The following ODAD2 variants were observed in gnomAD, a reference collection of about 807,000 sequenced individuals.
ODAD2 encodes the protein outer dynein arm-docking complex subunit 2.
Under a neutral mutation model 106.8 loss-of-function variants are expected in ODAD2, and 89 were observed. The observed-to-expected ratio is 0.83, with a 90% CI of 0.70 to 0.99. The LOEUF (loss-of-function observed/expected upper bound fraction) is 0.99, where lower values mean the gene tolerates loss of function less well. ODAD2 is among the 50% of genes least tolerant of loss of function. ODAD2 has a pLI of 0.00. For missense variants in ODAD2, 1,168 were observed against 1,238.5 expected, an observed-to-expected ratio of 0.94 and a Z score of 0.85; for synonymous variants, 404 against 436.2, an observed-to-expected ratio of 0.93 and a Z score of 0.92.
chr10:27,892,842 T>C (rs181432550), intron 17 of ODAD2, among the ~76,000 whole-genome samples: 20 of 152,318 alleles, frequency 1.3e-4, no homozygotes, highest in African/African-American at 4.6e-4. Context: ...GCTTTAAATG[T>C]TTCCAACAAG....
chr10:27,829,542 G>C (rs1164075001), intron 19 of ODAD2, among the ~76,000 whole-genome samples: 2 of 152,072 alleles, frequency 1.3e-5, no homozygotes, highest in Admixed American at 1.3e-4. Flanking sequence ...GTCAAATGTG[G>C]TTGTTATTTC....
chr10:27,987,283 C>A (rs1009784770), intron 3 of ODAD2, 103 bp downstream of exon 3: 1 of 1,044,148 alleles, frequency 9.6e-7, no homozygotes, highest in Non-Finnish European at 1.4e-6. Flanking sequence ...ATTGTAGAAT[C>A]TTTTTCAAGA....
intron 9 of ODAD2, among the ~76,000 whole-genome samples, chr10:27,965,015 G>C (rs2132897771): frequency 6.6e-6 from 1 of 152,332 alleles, no homozygotes; most frequent in African/African-American, 2.4e-5. Context: ...CAGCTTGATG[G>C]ACAGGAGGCA....
intron 16 of ODAD2, among the ~76,000 whole-genome samples, chr10:27,929,329 T>C (rs189540650): frequency 1.3e-5 from 2 of 152,164 alleles, no homozygotes; most frequent in Non-Finnish European, 2.9e-5. Flanking sequence ...CCATGTCTAT[T>C]GACTTTTTAT....
At position 27,939,924 on chromosome 10, in the gene ODAD2, C is replaced by T; in HGVS notation, c.2070G>A (p.Gln690=). The T allele has an allele frequency of 6.2e-7, 1 of 1,610,176 alleles. No individual in the cohort carries two copies. Among genetic ancestry groups the T allele is most frequent in the South Asian group, 1.1e-5 (1 of 90,498 alleles). Residue 690 remains glutamine, a synonymous_variant, in exon 14 of 20, where the codon CAG becomes CAA. Transcript: ENST00000305242. ...KNLNSENEQL[Q]EHCAMAIYQC... is the part of the protein sequence containing the mutation. Reference sequence around the variant, plus strand: ...GGTAAATGGCCATGGCGCAGTGCTCCTGCAGCTGCTCATTCTCACTATTTA... The same window carrying T: ...GGTAAATGGCCATGGCGCAGTGCTCTTGCAGCTGCTCATTCTCACTATTTA...
In ODAD2 at chr10:27,939,983, C is replaced by T. The variant is rs1060503678; in HGVS notation, c.2011G>A (p.Ala671Thr). 4 of 1,609,878 alleles carry T rather than the reference C, an allele frequency of 2.5e-6. No homozygotes were observed. Among genetic ancestry groups the T allele is most frequent in the African/African-American group, 1.3e-5 (1 of 74,756 alleles). Residue 671 changes from alanine (A) to threonine (T), a missense_variant, in exon 14 of 20, where the codon GCA (alanine) becomes ACA (threonine). Coordinates refer to ENST00000305242, the MANE Select transcript of ODAD2 (RefSeq NM_018076.5). ...SEENYRAAIK[A>T]ERIIENLVKN... is the part of the protein sequence containing the mutation. ...ACAAGGTTTTCAATGATCCTTTCTG[C>T]TTTGATTGCAGCCCGGTAGTTTTCC...
intron 17 of ODAD2, chr10:27,904,982 G>A (rs1392684724): frequency 6.6e-6 from 1 of 152,632 alleles, no homozygotes; most frequent in Non-Finnish European, 1.5e-5. Context: ...TGTTTATCAA[G>A]GCCATTGATT....
intron 16 of ODAD2, among the ~76,000 whole-genome samples, chr10:27,918,653 T>C (rs1347992806): frequency 2.6e-5 from 4 of 151,888 alleles, no homozygotes; most frequent in African/African-American, 9.7e-5. Context: ...CATATATGTT[T>C]GCACTCATTT....
At chr10:27,961,901 CA>C (rs921684183) in intron 9 of ODAD2, among the ~76,000 whole-genome samples, 186 bp from the exon 10 acceptor site, 3 of 151,754 alleles carry the variant, frequency 2.0e-5, no homozygotes, top group African/African-American at 4.8e-5. Context: ...TCTGTCTCTA[CA>C]AAAAAAATAC....
intron 19 of ODAD2, among the ~76,000 whole-genome samples, chr10:27,820,085 T>C (rs1836481445): frequency 6.6e-6 from 1 of 152,136 alleles, no homozygotes; most frequent in South Asian, 2.1e-4. Flanking sequence ...AGGCCTGGCC[T>C]GGTTAGTTTG....
intron 16 of ODAD2, among the ~76,000 whole-genome samples, chr10:27,927,224 T>C (rs1845316823): frequency 6.6e-6 from 1 of 152,164 alleles, no homozygotes; most frequent in Non-Finnish European, 1.5e-5. Context: ...AGAGGTGCTA[T>C]GAATTCTACT....
chr10:27,907,918 C>T, intron 16 of ODAD2, 141 bp from the exon 17 acceptor site: 1 of 584,042 alleles, frequency 1.7e-6, no homozygotes, highest in Non-Finnish European at 3.0e-6. Context: ...ACTTCATCAA[C>T]AGTAGGGAGA....
rs567891974 is a variant in ODAD2, at chr10:27,893,405, C to T, written c.2610+14258G>A. Among the ~76,000 whole-genome samples the T allele has an allele frequency of 7.9e-5, 12 of 152,284 alleles. No individual in the cohort carries two copies. In the South Asian group the frequency reaches 1.0e-3, roughly 13 times the overall value. ...TACATGGTGAACTTAGGTTTCATGA[C>T]GCCTGACAGACGTGGTAGGGGCCCT... On this transcript the variant is annotated intron_variant, in intron 17 of 19. Coordinates refer to ENST00000305242, the MANE Select transcript of ODAD2 (RefSeq NM_018076.5).
chr10:27,902,535 A>G (rs1310280985), intron 17 of ODAD2, among the ~76,000 whole-genome samples: 2 of 152,210 alleles, frequency 1.3e-5, no homozygotes, highest in Non-Finnish European at 2.9e-5. Flanking sequence ...CATTAACAAA[A>G]TAAATAGACT....
At chr10:27,927,849 G>A (rs1845358777) in intron 16 of ODAD2, among the ~76,000 whole-genome samples, 1 of 152,002 alleles carries the variant, frequency 6.6e-6, no homozygotes, top group South Asian at 2.1e-4. Flanking sequence ...ATAAGCTTCT[G>A]TTTTTGTCTT....
Position 27,878,103 on chromosome 10 carries a change from A to C in ODAD2, c.2611-15481T>G, listed in dbSNP as rs527563441. ...AACCTTCACTACTTAGGAGATTAGT[A>C]ATTTTAAAAAAAGATGAAGTTATTT... On this transcript the variant is annotated intron_variant, in intron 17 of 19. Coordinates refer to ENST00000305242, the MANE Select transcript of ODAD2 (RefSeq NM_018076.5). Among the ~76,000 whole-genome samples the C allele has an allele frequency of 2.0e-5, 3 of 152,340 alleles. No homozygotes were observed. In the East Asian group the frequency reaches 5.8e-4, roughly 29 times the overall value.
intron 7 of ODAD2, among the ~76,000 whole-genome samples, chr10:27,978,519 A>C (rs2133067980): frequency 6.6e-6 from 1 of 152,304 alleles, no homozygotes; most frequent in East Asian, 1.9e-4. Flanking sequence ...GGAGCCGGGC[A>C]TGGTGGCTCA....
intron 16 of ODAD2, among the ~76,000 whole-genome samples, chr10:27,920,067 A>C (rs1844663513): frequency 6.6e-6 from 1 of 151,094 alleles, no homozygotes; most frequent in South Asian, 2.1e-4. Context: ...ATGAAAAAGA[A>C]GCAAGGTCCT....
intron 10 of ODAD2, among the ~76,000 whole-genome samples, chr10:27,960,697 T>A (rs934663010): frequency 1.3e-5 from 2 of 152,182 alleles, no homozygotes; most frequent in Non-Finnish European, 2.9e-5. Flanking sequence ...TATATTTTTA[T>A]GGGGTACAAT....
Sources: allele counts gnomAD v4.1 joint callset (sites outside exome capture counted in the v4.1 genomes callset), GRCh38; gene constraint gnomAD v4.1.1; transcripts MANE v1.5; gene names NCBI Gene and HGNC (gene_info 2026-07-23, HGNC 2026-07-21).